SLC36A1: variants seen among roughly 807,000 people sequenced by gnomAD.
SLC36A1 encodes proton-coupled amino acid transporter 1.
A neutral mutation model predicts 47.5 loss-of-function variants in SLC36A1; 30 were observed. That is an observed-to-expected ratio of 0.63 (90% confidence interval 0.47 to 0.86). The LOEUF (loss-of-function observed/expected upper bound fraction) is 0.86, where lower values mean the gene tolerates loss of function less well. Ranked by LOEUF, SLC36A1 falls within the 40% of genes least tolerant of loss-of-function variation. The probability of loss-of-function intolerance (pLI) is 0.00; values close to 1 mark genes in which losing one functional copy is unlikely to be tolerated. For missense variants in SLC36A1, 517 were observed against 606.0 expected (o/e 0.85, Z 1.54); for synonymous variants, 255 against 249.7 (o/e 1.02, Z -0.20).
downstream of SLC36A1, among the ~76,000 whole-genome samples, chr5:151,493,717 T>C (rs982842854): frequency 2.0e-5 from 3 of 152,192 alleles, no homozygotes; most frequent in Admixed American, 6.5e-5. Flanking sequence ...GTTAGCAGCA[T>C]TGGGATACAC....
intron 1 of SLC36A1, among the ~76,000 whole-genome samples, chr5:151,450,566 A>T (rs1393284493): frequency 6.6e-6 from 1 of 152,188 alleles, no homozygotes; most frequent in African/African-American, 2.4e-5. Flanking sequence ...TGTGGGATGG[A>T]TGGAGCAGAT....
the SLC36A1 span, chr5:151,532,053 G>A: frequency 1.3e-6 from 2 of 1,527,422 alleles, no homozygotes; most frequent in South Asian, 1.2e-5. Context: ...GCCACAGGAG[G>A]GGCTGGGGAG....
At chr5:151,496,056 A>T (rs561420158), downstream of SLC36A1, among the ~76,000 whole-genome samples, 3 of 152,148 alleles carry the variant, frequency 2.0e-5, no homozygotes, top group Non-Finnish European at 4.4e-5. Flanking sequence ...TTGTATGGTG[A>T]TATGGTTTGA....
the SLC36A1 span, chr5:151,543,046 G>C: frequency 6.2e-7 from 1 of 1,614,150 alleles, no homozygotes; most frequent in Non-Finnish European, 8.5e-7. Flanking sequence ...AGTATACAAA[G>C]GTTCAGAAAA....
At chr5:151,459,808 C>G (rs1433542353) in intron 2 of SLC36A1, 1 of 135,480 alleles carries the variant, frequency 7.4e-6, no homozygotes, top group Admixed American at 7.2e-5. Flanking sequence ...CCAAGCGGAC[C>G]ATGGAAGCTT....
chr5:151,440,330 C>T (rs1201292019), intron 1 of SLC36A1, among the ~76,000 whole-genome samples: 1 of 152,108 alleles, frequency 6.6e-6, no homozygotes, highest in Non-Finnish European at 1.5e-5. Context: ...AGCATATTTT[C>T]TTTATTTTTT....
upstream of SLC36A1, among the ~76,000 whole-genome samples, chr5:151,444,344 A>G (rs1041527998): frequency 6.6e-6 from 1 of 151,996 alleles, no homozygotes; most frequent in African/African-American, 2.4e-5. Flanking sequence ...AATTTATTTA[A>G]TCATTGTTTT....
At chr5:151,433,634 G>T (rs1759593638), upstream of SLC36A1, among the ~76,000 whole-genome samples, 1 of 151,906 alleles carries the variant, frequency 6.6e-6, no homozygotes. Context: ...ATTGAGGGGA[G>T]ATCAAGAGAG....
chr5:151,547,772 C>T, the SLC36A1 span, among the ~76,000 whole-genome samples: 1 of 152,070 alleles, frequency 6.6e-6, no homozygotes, highest in East Asian at 1.9e-4. Context: ...AGAAAGAAAT[C>T]AGGGCACAAA....
chr5:151,495,535 G>A (rs1462642715), downstream of SLC36A1, among the ~76,000 whole-genome samples: 3 of 152,082 alleles, frequency 2.0e-5, no homozygotes, highest in Admixed American at 6.6e-5. Flanking sequence ...ACTCATTTGT[G>A]TGTGTGTGTT....
At chr5:151,420,995 C>T in the SLC36A1 span, among the ~76,000 whole-genome samples, 1 of 151,822 alleles carries the variant, frequency 6.6e-6, no homozygotes, top group South Asian at 2.1e-4. Context: ...CTCAGCCTCC[C>T]AAGTAGCTGG....
At chr5:151,493,188 A>G (rs80095819), downstream of SLC36A1, among the ~76,000 whole-genome samples, 257 of 152,318 alleles carry the variant, frequency 1.7e-3, 4 homozygotes, top group East Asian at 0.047. Context: ...AACACACTTA[A>G]GGCTTAAAAT....
chr5:151,352,397 G>T, the SLC36A1 span, among the ~76,000 whole-genome samples: 1 of 152,170 alleles, frequency 6.6e-6, no homozygotes, highest in East Asian at 1.9e-4. Flanking sequence ...AATATTCAAT[G>T]AATGAATGTG....
the SLC36A1 span, among the ~76,000 whole-genome samples, chr5:151,392,485 T>G: frequency 1.1e-4 from 16 of 152,216 alleles, no homozygotes; most frequent in Non-Finnish European, 5.9e-5. Context: ...TTCTTTTAAT[T>G]GTGATGTTAG....
the SLC36A1 span, chr5:151,532,048 AGGAGGGGCTGG>A: frequency 2.6e-6 from 4 of 1,552,776 alleles, no homozygotes; most frequent in Non-Finnish European, 2.6e-6. Flanking sequence ...CTGCAGCCAC[AGGAGGGGCTGG>A]GGAGGGGCTC....
chr5:151,488,407 T>C lies in SLC36A1; in HGVS notation c.*153T>C. The C allele has an allele frequency of 1.0e-6, 1 of 995,218 alleles. No homozygotes were observed. The highest frequency in any genetic ancestry group is 1.7e-5 in the South Asian group (1 of 58,422). The allele number at this position is 995,218 out of a possible 1,614,324, so 61.6% of individuals were successfully genotyped here. The stretch of plus-strand genomic sequence containing the variant: ...TGGCACCTGGATACCCTGGGCCAGG[T>C]AACCTGAGGGCAGGGGAGAGGTGGG... On this transcript the variant is annotated 3_prime_UTR_variant, in exon 11 of 11. Transcript: ENST00000243389.
chr5:151,458,763 C>G, intron 1 of SLC36A1, 25 bp from the exon 2 acceptor site: 1 of 1,610,342 alleles, frequency 6.2e-7, no homozygotes, highest in African/African-American at 1.3e-5. Flanking sequence ...TGCAGGAGGT[C>G]TTAATGCTGG....
chr5:151,380,134 A>G, the SLC36A1 span, among the ~76,000 whole-genome samples: 2 of 152,240 alleles, frequency 1.3e-5, no homozygotes, highest in Non-Finnish European at 2.9e-5. Context: ...CAAGAAAGAA[A>G]AGACAAGAAG....
At chr5:151,456,645 A>G (rs1173220833) in intron 1 of SLC36A1, among the ~76,000 whole-genome samples, 4 of 152,098 alleles carry the variant, frequency 2.6e-5, no homozygotes, top group South Asian at 2.1e-4. Context: ...TGAAGCTCTC[A>G]TAGATTTTTA....
Sources: allele counts gnomAD v4.1 joint callset (sites outside exome capture counted in the v4.1 genomes callset), GRCh38; gene constraint gnomAD v4.1.1; transcripts MANE v1.5; gene names NCBI Gene and HGNC (gene_info 2026-07-23, HGNC 2026-07-21).